ABCC9: variants seen among roughly 807,000 people sequenced by gnomAD.
ABCC9 encodes ATP binding cassette subfamily C member 9.
A neutral mutation model predicts 188.3 loss-of-function variants in ABCC9; 95 were observed. The ratio of observed to expected loss-of-function variants is 0.50; its 90% CI spans 0.43 to 0.60. The LOEUF is 0.60. Ranked by LOEUF, ABCC9 falls within the 20% of genes least tolerant of loss-of-function variation. ABCC9 has a pLI of 0.00. For missense variants in ABCC9, 1,102 were observed against 1,876.3 expected (o/e 0.59, Z 7.62); for synonymous variants, 659 against 652.7 (o/e 1.01, Z -0.15).
In ABCC9 at chr12:21,941,350, A is replaced by G. The variant is rs1453891855; in HGVS notation, c.-287T>C. The G allele has an allele frequency of 6.6e-6, 1 of 152,546 alleles. No individual in the cohort carries two copies. The highest frequency in any genetic ancestry group is 1.5e-5 in the Non-Finnish European group (1 of 68,188). The allele number at this position is 152,546 out of a possible 1,614,324, so 9.4% of individuals were successfully genotyped here. On this transcript the variant is annotated 5_prime_UTR_variant, in exon 1 of 40. Coordinates refer to ENST00000261200, the MANE Select transcript of ABCC9 (RefSeq NM_020297.4). The surrounding 1 kb of genome is among the most constrained non-coding windows in gnomAD (Gnocchi z 5.4). The stretch of plus-strand genomic sequence containing the variant: ...GGGGCAGACACCGCGGCTGAGAAGC[A>G]GGAAACTGGGCAGAAGCCCCGCGCG...
At chr12:21,881,266 A>G (rs1946602829) in intron 16 of ABCC9, among the ~76,000 whole-genome samples, 1 of 152,180 alleles carries the variant, frequency 6.6e-6, no homozygotes. Context: ...GTTGTATTTC[A>G]CAATAAAAAT....
intron 15 of ABCC9, among the ~76,000 whole-genome samples, chr12:21,885,227 G>A (rs1946811678): frequency 1.3e-5 from 2 of 152,122 alleles, no homozygotes; most frequent in Admixed American, 1.3e-4. Flanking sequence ...TTCCATTAGT[G>A]TTATTTTCAA....
Position 21,809,863 on chromosome 12 carries a change from G to T in ABCC9, c.4304C>A (p.Pro1435His). The T allele has an allele frequency of 6.2e-7, 1 of 1,603,166 alleles. No individual in the cohort carries two copies. Among genetic ancestry groups the T allele is most frequent in the South Asian group, 1.1e-5 (1 of 90,832 alleles). Residue 1435 changes from proline (P) to histidine (H), a missense_variant, in exon 37 of 40, where the codon CCT (proline) becomes CAT (histidine). This residue lies in a region of ABCC9 where 67 missense variants were observed against 101.0 expected (regional missense o/e 0.66). Coordinates refer to ENST00000261200, the MANE Select transcript of ABCC9 (RefSeq NM_020297.4). ...TTTAGGAAATATACCTAGACCTCCA[G>T]GTAGAGATTTGACCATATTCTTCAG... ...AQLKNMVKSL[P>H]GGLDAVVTEG...
chr12:21,869,271 G>A (rs1945942024), intron 18 of ABCC9, among the ~76,000 whole-genome samples: 1 of 152,034 alleles, frequency 6.6e-6, no homozygotes, highest in Admixed American at 6.6e-5. Context: ...TCATCCTGCT[G>A]GCTGACTCCA....
intron 4 of ABCC9, among the ~76,000 whole-genome samples, chr12:21,927,344 T>A (rs1399032763): frequency 1.3e-5 from 2 of 152,040 alleles, no homozygotes; most frequent in Non-Finnish European, 2.9e-5. Flanking sequence ...GATAAGGAAG[T>A]TGGTTGGTAA....
intron 14 of ABCC9, 43 bp from the exon 15 acceptor site, chr12:21,887,977 C>G (rs1946962476): frequency 2.1e-6 from 3 of 1,430,536 alleles, no homozygotes; most frequent in Non-Finnish European, 3.0e-6. Flanking sequence ...AACAATAAAA[C>G]CACCACCAAC....
At chr12:21,932,167 T>C (rs1949314295) in intron 4 of ABCC9, among the ~76,000 whole-genome samples, 1 of 152,142 alleles carries the variant, frequency 6.6e-6, no homozygotes, top group Non-Finnish European at 1.5e-5. Context: ...TGAGTTTATT[T>C]TGTTACTATA....
intron 22 of ABCC9, among the ~76,000 whole-genome samples, chr12:21,855,345 A>G (rs1945165485): frequency 6.6e-6 from 1 of 151,962 alleles, no homozygotes; most frequent in African/African-American, 2.4e-5. Flanking sequence ...TCAGCCTCCC[A>G]ACTTACTGGG....
chr12:21,831,274 A>G (rs1365547129), intron 30 of ABCC9: 1 of 150,946 alleles, frequency 6.6e-6, no homozygotes, highest in Non-Finnish European at 1.5e-5. Flanking sequence ...ATGGTCTTGA[A>G]CTCCTGACCT....
rs551818682 is a variant in ABCC9, at chr12:21,823,216, A to G, written c.3670-4965T>C. ...AGCTTCCATCAATTCTGTGAATTCA[A>G]TACTCCCCACCAGAAGATTCCCATG... On this transcript the variant is annotated intron_variant, in intron 31 of 39. Coordinates refer to ENST00000261200, the MANE Select transcript of ABCC9 (RefSeq NM_020297.4). Among the ~76,000 whole-genome samples the G allele has an allele frequency of 1.1e-4, 17 of 152,348 alleles. No homozygotes were observed. In the South Asian group the frequency reaches 1.7e-3, roughly 15 times the overall value.
At chr12:21,822,006 A>G (rs895376932) in intron 31 of ABCC9, among the ~76,000 whole-genome samples, 1 of 152,162 alleles carries the variant, frequency 6.6e-6, no homozygotes, top group Non-Finnish European at 1.5e-5. Flanking sequence ...CATATATTAA[A>G]ATGTTTTAGA....
At chr12:21,901,017 T>G (rs930263147) in intron 12 of ABCC9, among the ~76,000 whole-genome samples, 1 of 151,780 alleles carries the variant, frequency 6.6e-6, no homozygotes, top group Non-Finnish European at 1.5e-5. Flanking sequence ...TTCACCAAAG[T>G]TGAAATGAAG....
intron 10 of ABCC9, among the ~76,000 whole-genome samples, chr12:21,908,457 A>G (rs1948145716): frequency 6.6e-6 from 1 of 151,986 alleles, no homozygotes. Flanking sequence ...TTAGTATGAT[A>G]ATCTGTACAA....
intron 31 of ABCC9, among the ~76,000 whole-genome samples, chr12:21,821,598 A>G (rs557675145): frequency 6.6e-6 from 1 of 152,278 alleles, no homozygotes; most frequent in South Asian, 2.1e-4. Flanking sequence ...GAATATAAAT[A>G]TAATAAAGGA....
rs761059899 is a variant in ABCC9, at chr12:21,852,500, A to G, written c.2511T>C (p.Asp837=). 1.9e-6 allele frequency: 3 copies of G among 1,610,604 alleles called. No individual in the cohort carries two copies. The highest frequency in any genetic ancestry group is 1.7e-6 in the Non-Finnish European group (2 of 1,179,946). Residue 837 remains aspartate (D), a synonymous_variant, in exon 23 of 40, where the codon GAT becomes GAC. Coordinates refer to ENST00000261200, the MANE Select transcript of ABCC9 (RefSeq NM_020297.4). ...YQNTNIVFLD[D]PFSALDIHLS... ...AGTGAATGTCCAGGGCTGAGAATGG[A>G]TCATCCTGCAATCAGTAAAATGGAG...
rs2138105873 is a variant in ABCC9 at position 21,941,138 on chromosome 12, A to C, written c.-137+62T>G. ...CAGAAATGTTAGCTCAAAATCGACA[A>C]CTTACAGTTATTCCTAAAAATGTTT... On this transcript the variant is annotated intron_variant, in intron 1 of 39. Transcript: ENST00000261200. The surrounding 1 kb of genome is among the most constrained non-coding windows in gnomAD (Gnocchi z 5.4). The C allele has an allele frequency of 6.6e-6, 1 of 152,394 alleles. No individual in the cohort carries two copies. Among genetic ancestry groups the C allele is most frequent in the South Asian group, 2.1e-4 (1 of 4,834 alleles). The allele number at this position is 152,394 out of a possible 1,614,324, so 9.4% of individuals were successfully genotyped here. A position where few individuals can be genotyped will look rare whatever the true frequency, so the allele number is the denominator to read the frequency against.
At chr12:21,817,345 TAAAGTA>T in intron 32 of ABCC9, 38 bp from the exon 33 acceptor site, 3 of 1,605,736 alleles carry the variant, frequency 1.9e-6, no homozygotes, top group Non-Finnish European at 8.5e-7. Flanking sequence ...TTAAATAAAT[TAAAGTA>T]AGAAGTTGTG....
chr12:21,816,900 A>G (rs1029319807), intron 33 of ABCC9, among the ~76,000 whole-genome samples: 3 of 152,192 alleles, frequency 2.0e-5, no homozygotes, highest in Non-Finnish European at 2.9e-5. Flanking sequence ...GAAAGGGAAT[A>G]TAGTAGTTTA....
Position 21,910,968 on chromosome 12 carries a change from G to C in ABCC9, c.1022C>G (p.Thr341Ser). 6.2e-7 allele frequency: 1 copy of C among 1,611,956 alleles called. No homozygotes were observed. Among genetic ancestry groups the C allele is most frequent in the Non-Finnish European group, 8.5e-7 (1 of 1,178,466 alleles). ...GTNNTTGISE[T>S]LSSKEFLENA... ...TTCAAGAAATTCCTTTGATGAGAGG[G>C]TTTCTGAAATCTGGTCCCCAAAGAA... Residue 341 changes from threonine to serine, a missense_variant, in exon 9 of 40, where the codon ACC becomes AGC. Thr to Ser is a moderately conservative substitution (Grantham distance 58). Around this residue, in one of 12 missense-constraint regions of ABCC9, gnomAD observed 305 missense variants for 573.0 expected, o/e 0.53. Transcript: ENST00000261200.
Sources: gnomAD v4.1 joint callset for allele counts (sites outside exome capture counted in the v4.1 genomes callset) on GRCh38, gnomAD v4.1.1 for gene constraint, gnomAD v4.1.1 regional missense constraint, Gnocchi (gnomAD v3.1) non-coding constraint, MANE v1.5 for transcripts, NCBI Gene and HGNC (gene_info 2026-07-23, HGNC 2026-07-21) for gene names.